The following ARHGAP6 variants were observed in gnomAD, a reference collection of about 807,000 sequenced individuals.
ARHGAP6 encodes the protein Rho GTPase activating protein 6, also known as rho GTPase-activating protein 6.
Under a neutral mutation model 55.7 loss-of-function variants are expected in ARHGAP6, and 16 were observed. That is an observed-to-expected ratio of 0.29 (90% confidence interval 0.19 to 0.44). ARHGAP6 has a LOEUF of 0.44. Ranked by LOEUF, ARHGAP6 falls within the 20% of genes least tolerant of loss-of-function variation. ARHGAP6 has a pLI of 1.00. For missense variants in ARHGAP6, 698 were observed against 808.9 expected (o/e 0.86, Z 1.66); for synonymous variants, 382 against 360.9 (o/e 1.06, Z -0.66).
chrX:11,295,361 C>T (rs1373095930), intron 1 of ARHGAP6, among the ~76,000 whole-genome samples: 2 of 111,490 alleles, frequency 1.8e-5, no homozygotes, highest in Non-Finnish European at 1.9e-5. Flanking sequence ...TTCTCAGAGG[C>T]CCCACCCCTT....
chrX:11,144,801 G>T (rs1223322112), intron 10 of ARHGAP6, among the ~76,000 whole-genome samples: 1 of 112,172 alleles, frequency 8.9e-6, no homozygotes, highest in Non-Finnish European at 1.9e-5. Flanking sequence ...AGATGTTGAT[G>T]CCACCGGTGG....
intron 1 of ARHGAP6, among the ~76,000 whole-genome samples, chrX:11,494,060 T>C (rs1272924574): frequency 9.1e-6 from 1 of 110,456 alleles, no homozygotes; most frequent in African/African-American, 3.3e-5. Flanking sequence ...GGACCATTTC[T>C]GTTACAGGGA....
intron 1 of ARHGAP6, among the ~76,000 whole-genome samples, chrX:11,627,264 A>T (rs1242610112): frequency 8.9e-6 from 1 of 111,737 alleles, no homozygotes; most frequent in Non-Finnish European, 1.9e-5. Context: ...AAACAATTCC[A>T]CACAATATTC....
intron 1 of ARHGAP6, among the ~76,000 whole-genome samples, chrX:11,567,566 A>AAAAAAAAATATATATATATATAT (rs1440758737): frequency 1.2e-5 from 1 of 84,401 alleles, no homozygotes; most frequent in African/African-American, 4.7e-5. Flanking sequence ...AAAAAAAAAA[A>AAAAAAAAATATATATATATATAT]ATATATATAT....
At chrX:11,412,237 G>A (rs1268495786) in intron 1 of ARHGAP6, among the ~76,000 whole-genome samples, 1 of 111,779 alleles carries the variant, frequency 8.9e-6, no homozygotes, top group Admixed American at 9.5e-5. Context: ...TTAATAGACA[G>A]CACTTTAACA....
At position 11,196,612 on chromosome X, in the gene ARHGAP6, C is replaced by T. The variant is rs762757709; in HGVS notation, c.820+313G>A. Among the ~76,000 whole-genome samples, 316 of 111,467 alleles carry T rather than the reference C, an allele frequency of 2.8e-3. 1 individual carries two copies. The highest frequency in any genetic ancestry group is 0.018 in the Middle Eastern group (4 of 218). On this transcript the variant is annotated intron_variant, in intron 3 of 12. Transcript: ENST00000337414. ...CTGGATTTGCCAGACAGCTGGTTAG[C>T]ATTAGAGATGCTCTCCATAGCTTCT...
rs770967558 is a variant in ARHGAP6, at chrX:11,139,453, T to A, written c.2335A>T (p.Asn779Tyr). 2.5e-6 allele frequency: 3 copies of A among 1,185,320 alleles called. No homozygotes were observed. Among genetic ancestry groups the A allele is most frequent in the East Asian group, 6.0e-5 (2 of 33,387 alleles). ...CSLSQGNLSP[N>Y]WPRWQGSPAE... ...GGGCTCCCCTGCCACCGAGGCCAATTTGGGGACAGGTTCCCTTGAGAAAGG... is the reference window on the plus strand; with the variant it reads ...GGGCTCCCCTGCCACCGAGGCCAATATGGGGACAGGTTCCCTTGAGAAAGG... The change falls in exon 13 of 13, where the codon AAT becomes TAT. Residue 779 changes from asparagine (N) to tyrosine (Y), a missense_variant. Coordinates refer to ENST00000337414, the MANE Select transcript of ARHGAP6 (RefSeq NM_013427.3).
rs760741497 is a variant in ARHGAP6, at chrX:11,169,799, T to A, written c.1630-115A>T. ...TTTTTTTTTTTTAATCCTGCAAGGA[T>A]GCCATCCTCTCTGTCAGAATCCATG... On this transcript the variant is annotated intron_variant, in intron 8 of 12. Transcript: ENST00000337414. 2.7e-5 allele frequency: 15 copies of A among 546,035 alleles called. No homozygotes were observed. In the East Asian group the frequency reaches 6.1e-4, roughly 22 times the overall value. 45.0% of individuals were successfully genotyped at this position (546,035 alleles called of 1,213,427 possible). A position where few individuals can be genotyped will look rare whatever the true frequency, so the allele number is the denominator to read the frequency against.
chrX:11,626,029 G>A lies in ARHGAP6; in HGVS notation c.588+38212C>T, dbSNP rs184436465. Among the ~76,000 whole-genome samples the A allele has an allele frequency of 2.5e-3, 279 of 111,718 alleles. 1 individual carries two copies. Among genetic ancestry groups the A allele is most frequent in the Non-Finnish European group, 4.1e-3 (217 of 53,036 alleles). On this transcript the variant is annotated intron_variant, in intron 1 of 12. Transcript: ENST00000337414. ...AAATTGATGAAATATAAAACAAGAT[G>A]TAATAAAATATATGTAAAAGCAAAA...
chrX:11,475,661 C>T (rs1261834936), intron 1 of ARHGAP6, among the ~76,000 whole-genome samples: 14 of 107,513 alleles, frequency 1.3e-4, no homozygotes, highest in African/African-American at 4.4e-4. Flanking sequence ...AGCTTCCAGA[C>T]AAAAACACAG....
intron 1 of ARHGAP6, among the ~76,000 whole-genome samples, chrX:11,507,343 A>G (rs761001416): frequency 9.0e-6 from 1 of 111,521 alleles, no homozygotes; most frequent in Non-Finnish European, 1.9e-5. Context: ...GCTTTTGAAC[A>G]GTGACTGAGG....
At chrX:11,248,826 A>G (rs995527964) in intron 2 of ARHGAP6, among the ~76,000 whole-genome samples, 1 of 112,050 alleles carries the variant, frequency 8.9e-6, no homozygotes, top group African/African-American at 3.2e-5. Flanking sequence ...GTGGGAATGT[A>G]AACTAGTACA....
chrX:11,512,813 G>A (rs953048975), intron 1 of ARHGAP6, among the ~76,000 whole-genome samples: 1 of 111,556 alleles, frequency 9.0e-6, no homozygotes, highest in African/African-American at 3.3e-5. Flanking sequence ...ACAGCTGACT[G>A]CACATGCATA....
intron 1 of ARHGAP6, among the ~76,000 whole-genome samples, chrX:11,586,197 TTTGCTTTTGTTGTGA>T (rs1052932042): frequency 8.9e-6 from 1 of 112,169 alleles, no homozygotes; most frequent in African/African-American, 3.2e-5. Context: ...TTTGTCAATT[TTTGCTTTTGTTGTGA>T]TTGCTTTTGG....
intron 1 of ARHGAP6, chrX:11,427,736 G>C (rs933880325): frequency 1.3e-6 from 1 of 768,806 alleles, no homozygotes; most frequent in African/African-American, 2.3e-5. Context: ...TGTGCAAAGC[G>C]CCCCTGGCAC....
chrX:11,156,900 G>T (rs1446014297), intron 9 of ARHGAP6, among the ~76,000 whole-genome samples: 2 of 112,476 alleles, frequency 1.8e-5, no homozygotes, highest in African/African-American at 6.5e-5. Flanking sequence ...TTATTGCTCA[G>T]GTTAGATTTT....
intron 1 of ARHGAP6, among the ~76,000 whole-genome samples, chrX:11,581,679 A>G (rs940657811): frequency 2.7e-5 from 3 of 111,731 alleles, no homozygotes; most frequent in Non-Finnish European, 5.6e-5. Context: ...GACTAAACAT[A>G]GTACAATTTA....
intron 2 of ARHGAP6, among the ~76,000 whole-genome samples, chrX:11,214,946 C>T (rs1451614209): frequency 2.6e-5 from 3 of 113,397 alleles, no homozygotes; most frequent in Non-Finnish European, 3.8e-5. Context: ...ACCGGGCTGC[C>T]CCAGGCTGAC....
rs190765372 is a variant in ARHGAP6, at chrX:11,291,965, T to A, written c.589-37258A>T. Reference sequence around the variant, plus strand: ...CTTGTTTATTAGCATTCTTTAAACATTTACTGTATGCCAGCTGACAGGGTT... The same window carrying A: ...CTTGTTTATTAGCATTCTTTAAACAATTACTGTATGCCAGCTGACAGGGTT... On this transcript the variant is annotated intron_variant, in intron 1 of 12. Coordinates refer to ENST00000337414, the MANE Select transcript of ARHGAP6 (RefSeq NM_013427.3). 1.8e-4 allele frequency among the ~76,000 whole-genome samples: 20 copies of A among 111,658 alleles called. No homozygotes were observed. The East Asian group carries it at 4.2e-3, about 23-fold the overall frequency.
Sources: allele counts gnomAD v4.1 joint callset (sites outside exome capture counted in the v4.1 genomes callset), GRCh38; gene constraint gnomAD v4.1.1; transcripts MANE v1.5; gene names NCBI Gene and HGNC (gene_info 2026-07-23, HGNC 2026-07-21).